The following SPG11 variants were observed in gnomAD, a reference collection of about 807,000 sequenced individuals.
SPG11 encodes SPG11 vesicle trafficking associated, spatacsin.
A neutral mutation model predicts 274.0 loss-of-function variants in SPG11; 222 were observed. The observed-to-expected ratio is 0.81, with a 90% CI of 0.73 to 0.91. The LOEUF (loss-of-function observed/expected upper bound fraction) is 0.91. SPG11 is among the 40% of genes least tolerant of loss of function. The probability of loss-of-function intolerance (pLI) is 0.00; values close to 1 mark genes in which losing one functional copy is unlikely to be tolerated. For missense variants in SPG11, 3,114 were observed against 2,872.7 expected, an observed-to-expected ratio of 1.08 and a Z score of -1.92; for synonymous variants, 1,144 against 1,039.7, an observed-to-expected ratio of 1.10 and a Z score of -1.93.
In SPG11 at chr15:44,585,844, T is replaced by TCTGG. The variant is rs2082750894; in HGVS notation, c.4909_4912dup (p.Asp1638AlafsTer21). On this transcript the variant is annotated frameshift_variant, in exon 29 of 40. Coordinates refer to ENST00000261866, the MANE Select transcript of SPG11 (RefSeq NM_025137.4). LOFTEE classifies it high-confidence loss of function. ...GCAAAGGATGCAAAGCTTTTTCACA[T>TCTGG]CTGGACCTGTGCCAAAGAGAAAAGG... is the stretch of plus-strand genomic sequence containing the variant. 1 of 1,613,776 alleles carries TCTGG rather than the reference T, an allele frequency of 6.2e-7. No individual in the cohort carries two copies. The highest frequency in any genetic ancestry group is 8.5e-7 in the Non-Finnish European group (1 of 1,179,924).
intron 4 of SPG11, among the ~76,000 whole-genome samples, chr15:44,654,422 C>T (rs1431219823): frequency 6.6e-6 from 1 of 152,044 alleles, no homozygotes; most frequent in Non-Finnish European, 1.5e-5. Context: ...ACACGAGAAT[C>T]ACTTGATCCC....
At chr15:44,633,734 T>G in intron 7 of SPG11, 97 bp from the exon 8 acceptor site, 1 of 1,340,226 alleles carries the variant, frequency 7.5e-7, no homozygotes, top group Non-Finnish European at 1.0e-6. Context: ...TTTAATGTGG[T>G]GAGACTACAG....
chr15:44,576,043 G>A (rs1174024027), intron 30 of SPG11, among the ~76,000 whole-genome samples: 6 of 149,560 alleles, frequency 4.0e-5, no homozygotes, highest in African/African-American at 1.5e-4. Context: ...TCAGGAGGCT[G>A]AGGCAGGAGA....
rs531387899 is a variant in SPG11 at position 44,645,851 on chromosome 15, T to C, written c.1602+3015A>G. 2.6e-5 allele frequency among the ~76,000 whole-genome samples: 4 copies of C among 152,260 alleles called. No homozygotes were observed. In the East Asian group the frequency reaches 5.8e-4, roughly 22 times the overall value. ...GTCCTTCTCTTTTCAAAAGAAGACA[T>C]ACACATAACCAATAAGCATATGAAA... is the stretch of plus-strand genomic sequence containing the variant. On this transcript the variant is annotated intron_variant, in intron 7 of 39. Transcript: ENST00000261866.
At chr15:44,608,777 A>G (rs553129444) in intron 18 of SPG11, among the ~76,000 whole-genome samples, 172 bp from the exon 19 acceptor site, 14 of 152,332 alleles carry the variant, frequency 9.2e-5, no homozygotes, top group African/African-American at 3.1e-4. Flanking sequence ...GTTCTAAGAC[A>G]AACTAGCTAT....
intron 38 of SPG11, 130 bp downstream of exon 38, chr15:44,565,722 CAG>C (rs2082293694): frequency 3.5e-6 from 4 of 1,142,434 alleles, no homozygotes; most frequent in Non-Finnish European, 3.9e-6. Flanking sequence ...ATGTTGGTAT[CAG>C]AGAGTTAAAT....
chr15:44,650,733 A>C (rs780976009), intron 6 of SPG11, among the ~76,000 whole-genome samples: 1 of 152,012 alleles, frequency 6.6e-6, no homozygotes, highest in Non-Finnish European at 1.5e-5. Flanking sequence ...ATGCAGATCC[A>C]GTGTTGCCAG....
In SPG11 at chr15:44,608,593, C is replaced by A. The variant is rs1459084420; in HGVS notation, c.3304G>T (p.Glu1102Ter). 6.2e-7 allele frequency: 1 copy of A among 1,613,890 alleles called. No homozygotes were observed. The change falls in exon 19 of 40, where the codon GAA (glutamate) becomes TAA (stop). Residue 1102 changes from glutamate (E) to a stop codon, truncating the protein, a stop_gained. Transcript: ENST00000261866. LOFTEE classifies it high-confidence loss of function. Reference sequence around the variant, plus strand: ...TTCTTCAAACAGTTTTCATTTTCTTCATTCTGAACAACCTAAGTAAAAAAA... The same window carrying A: ...TTCTTCAAACAGTTTTCATTTTCTTAATTCTGAACAACCTAAGTAAAAAAA... The part of the protein sequence containing the change: ...PGGVSQVVQN[E>*]ENENCLKKVD...
intron 6 of SPG11, 104 bp downstream of exon 6, chr15:44,651,387 C>T: frequency 1.0e-6 from 1 of 986,142 alleles, no homozygotes; most frequent in Non-Finnish European, 1.6e-6. Flanking sequence ...TAAACAATTA[C>T]AATACCACTT....
intron 21 of SPG11, among the ~76,000 whole-genome samples, chr15:44,599,150 T>C: frequency 6.6e-6 from 1 of 152,140 alleles, no homozygotes; most frequent in East Asian, 1.9e-4. Context: ...TGTGATCTTA[T>C]CAATTATGAG....
At chr15:44,623,135 G>T (rs2083800859) in intron 11 of SPG11, among the ~76,000 whole-genome samples, 1 of 152,082 alleles carries the variant, frequency 6.6e-6, no homozygotes, top group Non-Finnish European at 1.5e-5. Flanking sequence ...TTTTTGTAGA[G>T]ATGGGATTTC....
At chr15:44,620,559 T>C in intron 14 of SPG11, 156 bp from the exon 15 acceptor site, 2 of 644,526 alleles carry the variant, frequency 3.1e-6, no homozygotes, top group Non-Finnish European at 5.1e-6. Flanking sequence ...TTCCTTTTTT[T>C]GAGACAGGAT....
rs149934295 is a variant in SPG11 at position 44,660,665 on chromosome 15, T to C, written c.258-49A>G. Reference sequence around the variant, plus strand: ...TTATATTCTATATCCGCAATAATATTTACCCACAATGGTGGGGGTAGAAGG... The same window carrying C: ...TTATATTCTATATCCGCAATAATATCTACCCACAATGGTGGGGGTAGAAGG... On this transcript the variant is annotated intron_variant, in intron 1 of 39. Coordinates refer to ENST00000261866, the MANE Select transcript of SPG11 (RefSeq NM_025137.4). 701 of 1,564,242 alleles carry C rather than the reference T, an allele frequency of 4.5e-4. 5 individuals are homozygous for C. The African/African-American group carries it at 8.8e-3, about 20-fold the overall frequency.
At chr15:44,656,066 A>G (rs200919846) in intron 4 of SPG11, among the ~76,000 whole-genome samples, 87 of 152,318 alleles carry the variant, frequency 5.7e-4, no homozygotes, top group Non-Finnish European at 1.0e-3. Context: ...AATGGGATCT[A>G]AAGCACACAC....
At chr15:44,598,068 C>A (rs963689535) in intron 23 of SPG11, among the ~76,000 whole-genome samples, 197 bp downstream of exon 23, 1 of 152,188 alleles carries the variant, frequency 6.6e-6, no homozygotes, top group Non-Finnish European at 1.5e-5. Context: ...GCTATCTTCA[C>A]CCTCTTTTCA....
intron 30 of SPG11, among the ~76,000 whole-genome samples, chr15:44,579,784 G>A (rs1020099508): frequency 3.3e-5 from 5 of 152,160 alleles, no homozygotes; most frequent in African/African-American, 7.2e-5. Flanking sequence ...GTTACGTGCT[G>A]TATAACCATG....
rs755816939 is a variant in SPG11 at position 44,629,302 on chromosome 15, C to A, written c.1822G>T (p.Glu608Ter). 1.2e-6 allele frequency: 2 copies of A among 1,613,956 alleles called. No individual in the cohort carries two copies. Among genetic ancestry groups the A allele is most frequent in the African/African-American group, 2.7e-5 (2 of 74,928 alleles). ...GACAGTGTAAGATTAAGCAATTGTT[C>A]TGAAAAGTGTTTGCTTTGGGGTTCA... Reference protein sequence around the residue: ...YSEPQSKHFSEQLLNLTLSFL... With the variant: ...YSEPQSKHFS Residue 608 changes from glutamate to a stop codon, truncating the protein, a stop_gained, in exon 9 of 40, where the codon GAA becomes TAA. Coordinates refer to ENST00000261866, the MANE Select transcript of SPG11 (RefSeq NM_025137.4). LOFTEE classifies it high-confidence loss of function.
At chr15:44,638,375 G>A (rs978495104) in intron 7 of SPG11, among the ~76,000 whole-genome samples, 75 of 152,120 alleles carry the variant, frequency 4.9e-4, no homozygotes, top group African/African-American at 1.5e-3. Flanking sequence ...CACAAGAATC[G>A]CTTGAACACA....
At chr15:44,640,734 T>C (rs2084415347) in intron 7 of SPG11, among the ~76,000 whole-genome samples, 1 of 152,158 alleles carries the variant, frequency 6.6e-6, no homozygotes, top group Admixed American at 6.5e-5. Context: ...CAGGACTTTT[T>C]TATTTTTTAT....
Sources: allele counts gnomAD v4.1 joint callset (sites outside exome capture counted in the v4.1 genomes callset), GRCh38; gene constraint gnomAD v4.1.1; transcripts MANE v1.5; gene names NCBI Gene and HGNC (gene_info 2026-07-23, HGNC 2026-07-21).